The following FSTL4 variants were observed in gnomAD, a reference collection of about 807,000 sequenced individuals.
FSTL4 encodes the protein follistatin-related protein 4.
A neutral mutation model predicts 78.2 loss-of-function variants in FSTL4; 28 were observed. The ratio of observed to expected loss-of-function variants is 0.36; its 90% CI spans 0.27 to 0.49. The LOEUF is 0.49. Among genes scored for constraint, FSTL4 ranks in the 20% least tolerant of loss-of-function variants. FSTL4 has a pLI of 0.98. For missense variants in FSTL4, 922 were observed against 1,084.9 expected (o/e 0.85, Z 2.11); for synonymous variants, 422 against 440.5 (o/e 0.96, Z 0.53).
intron 3 of FSTL4, among the ~76,000 whole-genome samples, chr5:133,534,628 C>G (rs753416449): frequency 1.3e-5 from 2 of 152,138 alleles, no homozygotes; most frequent in Non-Finnish European, 2.9e-5. Flanking sequence ...GCCCCAAGGT[C>G]AAAAATAATT....
chr5:133,718,251 T>G, the FSTL4 span, among the ~76,000 whole-genome samples: 1 of 152,102 alleles, frequency 6.6e-6, no homozygotes, highest in Non-Finnish European at 1.5e-5. Flanking sequence ...AGCCAATTTT[T>G]GACATTTTTA....
chr5:133,267,746 G>C (rs959721497), intron 6 of FSTL4, among the ~76,000 whole-genome samples: 7 of 152,184 alleles, frequency 4.6e-5, no homozygotes, highest in Admixed American at 2.0e-4. Flanking sequence ...GAGACTGCTA[G>C]ATAGGTTCCA....
chr5:133,569,607 T>C (rs1760106255), intron 2 of FSTL4, among the ~76,000 whole-genome samples: 1 of 152,178 alleles, frequency 6.6e-6, no homozygotes, highest in Non-Finnish European at 1.5e-5. Flanking sequence ...TACATATTTG[T>C]TGAATAAAAA....
intron 4 of FSTL4, among the ~76,000 whole-genome samples, chr5:133,326,685 G>A (rs1053527210): frequency 6.6e-6 from 1 of 152,224 alleles, no homozygotes; most frequent in Admixed American, 6.5e-5. Flanking sequence ...GTTCCACAGA[G>A]CTGTTTCCAT....
chr5:133,629,664 G>A, the FSTL4 span, among the ~76,000 whole-genome samples: 287 of 152,296 alleles, frequency 1.9e-3, 2 homozygotes, highest in African/African-American at 6.1e-3. Flanking sequence ...GCATCAAGCT[G>A]ATACTAAAAC....
At chr5:133,528,400 C>T (rs958279627) in intron 3 of FSTL4, among the ~76,000 whole-genome samples, 1 of 152,212 alleles carries the variant, frequency 6.6e-6, no homozygotes, top group Non-Finnish European at 1.5e-5. Flanking sequence ...CCACCTGGCC[C>T]CTGCCCCACC....
chr5:133,765,864 G>A, the FSTL4 span, among the ~76,000 whole-genome samples: 34 of 152,218 alleles, frequency 2.2e-4, no homozygotes, highest in African/African-American at 7.7e-4. Context: ...GGAAGAGACA[G>A]CTGAATTCCA....
At chr5:133,241,480 C>T (rs1751871925) in intron 7 of FSTL4, among the ~76,000 whole-genome samples, 1 of 152,234 alleles carries the variant, frequency 6.6e-6, no homozygotes. Context: ...ACAGAAGGCT[C>T]ATGCCAGAGA....
At chr5:133,560,664 G>A (rs533211310) in intron 3 of FSTL4, among the ~76,000 whole-genome samples, 7 of 151,728 alleles carry the variant, frequency 4.6e-5, no homozygotes, top group Non-Finnish European at 7.4e-5. Flanking sequence ...GTGCCCGGTC[G>A]TTTGTCTTTA....
intron 3 of FSTL4, among the ~76,000 whole-genome samples, chr5:133,503,132 G>C (rs911761887): frequency 6.6e-6 from 1 of 152,122 alleles, no homozygotes; most frequent in African/African-American, 2.4e-5. Flanking sequence ...GGTAATTTAC[G>C]ACAAAATTAG....
chr5:133,663,856 G>A, the FSTL4 span, among the ~76,000 whole-genome samples: 3 of 152,210 alleles, frequency 2.0e-5, no homozygotes, highest in East Asian at 1.9e-4. Flanking sequence ...GAGGCCATCC[G>A]GGAGGTGAGG....
intron 10 of FSTL4, among the ~76,000 whole-genome samples, chr5:133,224,919 T>C (rs1751276904): frequency 6.6e-6 from 1 of 152,226 alleles, no homozygotes; most frequent in African/African-American, 2.4e-5. Context: ...CTCTGTCTGC[T>C]GTCCAGGGAA....
the FSTL4 span, among the ~76,000 whole-genome samples, chr5:133,752,025 T>C: frequency 6.6e-6 from 1 of 152,194 alleles, no homozygotes; most frequent in Non-Finnish European, 1.5e-5. Context: ...CTGGCAGGAA[T>C]CGTGCAAGCC....
At chr5:133,508,783 T>C (rs1758665079) in intron 3 of FSTL4, among the ~76,000 whole-genome samples, 2 of 152,218 alleles carry the variant, frequency 1.3e-5, no homozygotes, top group Admixed American at 6.5e-5. Flanking sequence ...ATTAACAGTA[T>C]AATCTGTTTA....
chr5:133,500,149 C>T (rs1758461415), intron 3 of FSTL4, among the ~76,000 whole-genome samples: 1 of 152,134 alleles, frequency 6.6e-6, no homozygotes, highest in South Asian at 2.1e-4. Context: ...CTTTTTATTG[C>T]CTGGGCCTGG....
At chr5:133,386,045 G>A (rs1755694843) in intron 4 of FSTL4, among the ~76,000 whole-genome samples, 1 of 152,186 alleles carries the variant, frequency 6.6e-6, no homozygotes, top group African/African-American at 2.4e-5. Context: ...CCGGTTGAGT[G>A]GTGTTGGGCA....
chr5:133,282,038 G>A (rs1484482441), intron 6 of FSTL4, among the ~76,000 whole-genome samples: 1 of 152,164 alleles, frequency 6.6e-6, no homozygotes, highest in African/African-American at 2.4e-5. Context: ...CTCATGATGT[G>A]CCAAGCCCCA....
At chr5:133,824,045 C>T in the FSTL4 span, among the ~76,000 whole-genome samples, 24,093 of 152,274 alleles carry the variant, frequency 0.16, 2,200 homozygotes, top group East Asian at 0.41. Flanking sequence ...CCCCACACCA[C>T]CCAGGCACTC....
chr5:133,754,723 A>T, the FSTL4 span, among the ~76,000 whole-genome samples: 2 of 152,108 alleles, frequency 1.3e-5, no homozygotes, highest in Admixed American at 6.5e-5. Context: ...CGCTCTGGGG[A>T]CAAAATGCCC....
Sources: gnomAD v4.1 joint callset for allele counts (sites outside exome capture counted in the v4.1 genomes callset) on GRCh38, gnomAD v4.1.1 for gene constraint, MANE v1.5 for transcripts, NCBI Gene and HGNC (gene_info 2026-07-23, HGNC 2026-07-21) for gene names.